The following CEP112 variants were observed in gnomAD, a reference collection of about 807,000 sequenced individuals.
CEP112 encodes the protein centrosomal protein 112, also known as centrosomal protein of 112 kDa.
In CEP112, 127 loss-of-function variants were observed where a neutral mutation model predicts 153.0. That is an observed-to-expected ratio of 0.83 (90% CI 0.72 to 0.96). CEP112 has a LOEUF of 0.96. CEP112 is among the 40% of genes least tolerant of loss of function. The pLI, the probability that CEP112 is intolerant of heterozygous loss-of-function variation, is 0.00. For synonymous variants in CEP112, 358 were observed against 374.4 expected, an observed-to-expected ratio of 0.96 and a Z score of 0.51; for missense variants, 1,089 against 1,101.2, an observed-to-expected ratio of 0.99 and a Z score of 0.16.
chr17:65,953,525 G>A (rs73992144), intron 18 of CEP112, among the ~76,000 whole-genome samples: 10,045 of 152,294 alleles, frequency 0.066, 501 homozygotes, highest in African/African-American at 0.12. Flanking sequence ...GAGTCTGCTT[G>A]CTTTCTCAAT....
intron 21 of CEP112, among the ~76,000 whole-genome samples, chr17:65,829,427 T>C (rs1225912688): frequency 6.6e-6 from 1 of 152,180 alleles, no homozygotes. Flanking sequence ...ATAATGTATC[T>C]ATGCAGCTTT....
intron 21 of CEP112, among the ~76,000 whole-genome samples, chr17:65,757,201 T>C (rs77397624): frequency 2.2e-4 from 33 of 152,262 alleles, no homozygotes; most frequent in Non-Finnish European, 4.1e-4. Flanking sequence ...TGAATTTCTA[T>C]GGTTTAAGCC....
At chr17:65,848,987 T>C (rs557008505) in intron 21 of CEP112, among the ~76,000 whole-genome samples, 19 of 152,316 alleles carry the variant, frequency 1.2e-4, no homozygotes, top group African/African-American at 3.6e-4. Context: ...AAGAGGATGA[T>C]GTTCCTAAGA....
At chr17:65,866,468 T>A (rs1332657653) in intron 20 of CEP112, among the ~76,000 whole-genome samples, 2 of 152,112 alleles carry the variant, frequency 1.3e-5, no homozygotes, top group African/African-American at 4.8e-5. Context: ...AGGAGGTGGG[T>A]CCCTGGTGAA....
chr17:65,662,085 C>T lies in CEP112; in HGVS notation c.2698-21020G>A, dbSNP rs540233880. Among the ~76,000 whole-genome samples the T allele has an allele frequency of 6.6e-5, 10 of 152,236 alleles. No individual in the cohort carries two copies. The East Asian group carries it at 1.2e-3, about 18-fold the overall frequency. On this transcript the variant is annotated intron_variant, in intron 24 of 26. Transcript: ENST00000535342. ...ATGGGCTCAGGTGATCCTCCCACCT[C>T]GGCCTCCTGAGTAGCTGGGACCACA... is the stretch of plus-strand genomic sequence containing the variant.
intron 21 of CEP112, among the ~76,000 whole-genome samples, chr17:65,838,099 T>A (rs1014716800): frequency 3.4e-5 from 5 of 148,744 alleles, no homozygotes; most frequent in African/African-American, 1.0e-4. Context: ...ACTAAAAAAA[T>A]TAAAAAAAAA....
chr17:65,784,953 A>G (rs1226609190), intron 21 of CEP112, among the ~76,000 whole-genome samples: 2 of 152,190 alleles, frequency 1.3e-5, no homozygotes, highest in African/African-American at 4.8e-5. Flanking sequence ...AACAACAAAA[A>G]AAGAACCCAT....
intron 20 of CEP112, among the ~76,000 whole-genome samples, chr17:65,863,633 C>T (rs888995179): frequency 1.3e-5 from 2 of 149,648 alleles, no homozygotes; most frequent in South Asian, 2.1e-4. Flanking sequence ...GTGGCGGGTG[C>T]CTGTAGTCCC....
At position 66,053,632 on chromosome 17, in the gene CEP112, T is replaced by C. The variant is rs574904237; in HGVS notation, c.1218+104A>G. On this transcript the variant is annotated intron_variant, in intron 12 of 26. Coordinates refer to ENST00000535342, the MANE Select transcript of CEP112 (RefSeq NM_001199165.4). ...AGGAAGGTAAAGTTTTTCTTTTGAT[T>C]CTGTAACACACTTCTTTCTACACTG... 1,273 of 1,168,000 alleles carry C rather than the reference T, an allele frequency of 1.1e-3. 1 individual carries two copies. The highest frequency in any genetic ancestry group is 1.4e-3 in the Non-Finnish European group (1,170 of 846,426). The allele number at this position is 1,168,000 out of a possible 1,614,324, so 72.4% of individuals were successfully genotyped here. A position where few individuals can be genotyped will look rare whatever the true frequency, so the allele number is the denominator to read the frequency against.
intron 16 of CEP112, among the ~76,000 whole-genome samples, chr17:66,009,535 C>T (rs1308950506): frequency 1.3e-5 from 2 of 152,030 alleles, no homozygotes; most frequent in Non-Finnish European, 2.9e-5. Context: ...TAAATCTTTG[C>T]CACTTTGTAT....
intron 4 of CEP112, among the ~76,000 whole-genome samples, chr17:66,161,818 A>C (rs1156470093): frequency 6.6e-6 from 1 of 152,104 alleles, no homozygotes; most frequent in Non-Finnish European, 1.5e-5. Flanking sequence ...GTATCCCAGA[A>C]CTTAAAGTAT....
At chr17:65,654,465 G>A (rs1038276402) in intron 24 of CEP112, among the ~76,000 whole-genome samples, 1 of 152,236 alleles carries the variant, frequency 6.6e-6, no homozygotes, top group Non-Finnish European at 1.5e-5. Flanking sequence ...CCGCAAGGGA[G>A]TGAAGCCTGC....
At chr17:65,921,152 C>T (rs973115727) in intron 19 of CEP112, among the ~76,000 whole-genome samples, 1 of 152,056 alleles carries the variant, frequency 6.6e-6, no homozygotes, top group Admixed American at 6.6e-5. Flanking sequence ...AATATTCAAA[C>T]CATATTTCCC....
intron 4 of CEP112, among the ~76,000 whole-genome samples, chr17:66,166,063 C>G (rs2071942308): frequency 6.6e-6 from 1 of 151,844 alleles, no homozygotes; most frequent in African/African-American, 2.4e-5. Context: ...TTTAGATGAC[C>G]CAACATGAGT....
intron 4 of CEP112, among the ~76,000 whole-genome samples, chr17:66,154,617 A>T (rs746728455): frequency 6.6e-6 from 1 of 152,222 alleles, no homozygotes; most frequent in Non-Finnish European, 1.5e-5. Flanking sequence ...CTTCATACAT[A>T]AAAATCAATT....
intron 17 of CEP112, among the ~76,000 whole-genome samples, chr17:65,993,129 C>T (rs961328131): frequency 6.6e-6 from 1 of 152,198 alleles, no homozygotes; most frequent in East Asian, 1.9e-4. Flanking sequence ...GTGTGTTGTT[C>T]CTCTCCCTAT....
intron 11 of CEP112, among the ~76,000 whole-genome samples, chr17:66,055,666 A>G (rs2066650867): frequency 6.6e-6 from 1 of 152,194 alleles, no homozygotes; most frequent in Non-Finnish European, 1.5e-5. Flanking sequence ...ATCAAAACTT[A>G]GTGGTTTCTC....
chr17:65,770,144 T>TCAAA (rs768965831), intron 21 of CEP112, among the ~76,000 whole-genome samples: 8 of 147,440 alleles, frequency 5.4e-5, no homozygotes, highest in Admixed American at 1.3e-4. Flanking sequence ...CAAAAGATCA[T>TCAAA]CAAACAAACA....
At chr17:66,090,418 G>A (rs62065720) in intron 8 of CEP112, among the ~76,000 whole-genome samples, 3,818 of 152,048 alleles carry the variant, frequency 0.025, 62 homozygotes, top group Non-Finnish European at 0.038. Flanking sequence ...ATCAAAAAAT[G>A]AAACAGAGTA....
Sources: gnomAD v4.1 joint callset for allele counts (sites outside exome capture counted in the v4.1 genomes callset) on GRCh38, gnomAD v4.1.1 for gene constraint, MANE v1.5 for transcripts, NCBI Gene and HGNC (gene_info 2026-07-23, HGNC 2026-07-21) for gene names.